The following CUBN variants were observed in gnomAD, a reference collection of about 807,000 sequenced individuals.
The protein encoded by CUBN is cubilin, also known as 460 kDa receptor.
CUBN carries 282 observed loss-of-function variants against 405.3 expected under a neutral mutation model. The observed-to-expected ratio is 0.70, with a 90% CI of 0.63 to 0.77. CUBN has a LOEUF of 0.77. Among genes scored for constraint, CUBN ranks in the 30% least tolerant of loss-of-function variants. The probability of loss-of-function intolerance (pLI) is 0.00; values close to 1 mark genes in which losing one functional copy is unlikely to be tolerated. For synonymous variants in CUBN, 1,684 were observed against 1,617.0 expected (o/e 1.04, Z -0.99); for missense variants, 4,514 against 4,475.2 (o/e 1.01, Z -0.25).
intron 22 of CUBN, among the ~76,000 whole-genome samples, chr10:17,051,954 A>G (rs1200080327): frequency 6.6e-6 from 1 of 152,092 alleles, no homozygotes; most frequent in Non-Finnish European, 1.5e-5. Context: ...TTCAGTCAAT[A>G]CTAAACAGGA....
At chr10:16,912,234 A>C (rs1841753125) in intron 48 of CUBN, among the ~76,000 whole-genome samples, 1 of 152,250 alleles carries the variant, frequency 6.6e-6, no homozygotes, top group Admixed American at 6.5e-5. Context: ...ATACAAAGAT[A>C]TTTCATATTT....
chr10:17,046,123 T>G (rs748585971), intron 23 of CUBN, 29 bp from the exon 24 acceptor site: 2 of 1,597,578 alleles, frequency 1.3e-6, no homozygotes, highest in Non-Finnish European at 1.7e-6. Flanking sequence ...TAAAATTTAT[T>G]GGGTTACTGA....
At chr10:16,991,698 C>T (rs1440364041) in intron 28 of CUBN, among the ~76,000 whole-genome samples, 2 of 145,320 alleles carry the variant, frequency 1.4e-5, no homozygotes, top group African/African-American at 2.5e-5. Context: ...TCTTATTCTT[C>T]ATCAAGGCTT....
At chr10:17,124,868 G>C (rs1310151180) in intron 4 of CUBN, among the ~76,000 whole-genome samples, 2 of 152,012 alleles carry the variant, frequency 1.3e-5, no homozygotes, top group African/African-American at 4.8e-5. Context: ...GCCTCGGTCT[G>C]TCACCCAGGC....
intron 46 of CUBN, among the ~76,000 whole-genome samples, 169 bp downstream of exon 46, chr10:16,915,652 G>A (rs1841862506): frequency 6.6e-6 from 1 of 152,188 alleles, no homozygotes; most frequent in African/African-American, 2.4e-5. Flanking sequence ...CATTGTTAAT[G>A]GTAGAATTGA....
At chr10:16,962,335 C>T (rs1477663499) in intron 31 of CUBN, among the ~76,000 whole-genome samples, 1 of 151,508 alleles carries the variant, frequency 6.6e-6, no homozygotes, top group Admixed American at 6.6e-5. Flanking sequence ...AATTAGAAAG[C>T]TATGGAGGCA....
rs748803112 is a variant in CUBN at position 16,984,100 on chromosome 10, C to T, written c.4525+5G>A. 1 of 1,614,182 alleles carries T rather than the reference C, an allele frequency of 6.2e-7. No individual in the cohort carries two copies. Among genetic ancestry groups the T allele is most frequent in the Non-Finnish European group, 8.5e-7 (1 of 1,180,026 alleles). On this transcript the variant is annotated splice_donor_5th_base_variant and intron_variant, in intron 30 of 66. Transcript: ENST00000377833. The stretch of plus-strand genomic sequence containing the variant: ...TACTTTAGGAAACCTCCTTTTCTCA[C>T]TCACCTCCAGTGACTGCTTGCCATG...
At chr10:16,850,440 A>G (rs1033056136) in intron 60 of CUBN, among the ~76,000 whole-genome samples, 2 of 152,160 alleles carry the variant, frequency 1.3e-5, no homozygotes, top group African/African-American at 4.8e-5. Flanking sequence ...TTAAAAATTG[A>G]ACAGAAGTTT....
chr10:17,129,222 A>C lies in CUBN; in HGVS notation c.151T>G (p.Leu51Val). Reference sequence around the variant, plus strand: ...TGAGCAGACCCCGTAAGAAACACCAAATTTCCTCTCTCTGTAGCCATTCGA... The same window carrying C: ...TGAGCAGACCCCGTAAGAAACACCACATTTCCTCTCTCTGTAGCCATTCGA... ...QPRMATERGN[L>V]VFLTGSAQNI... Residue 51 changes from leucine (L) to valine (V), a missense_variant, in exon 2 of 67, where the codon TTG becomes GTG. Transcript: ENST00000377833. 1 of 1,613,670 alleles carries C rather than the reference A, an allele frequency of 6.2e-7. No individual in the cohort carries two copies. Among genetic ancestry groups the C allele is most frequent in the Non-Finnish European group, 8.5e-7 (1 of 1,179,570 alleles).
At chr10:16,829,636 T>C (rs1398821614) in intron 65 of CUBN, among the ~76,000 whole-genome samples, 1 of 152,198 alleles carries the variant, frequency 6.6e-6, no homozygotes, top group African/African-American at 2.4e-5. Context: ...AATCTGTATA[T>C]GAAGGCTGTC....
intron 58 of CUBN, among the ~76,000 whole-genome samples, chr10:16,870,554 G>A (rs536143154): frequency 1.3e-5 from 2 of 152,302 alleles, no homozygotes; most frequent in East Asian, 3.9e-4. Context: ...GTAAGCAGAA[G>A]GGATACATAT....
At chr10:16,879,894 A>G (rs567641099) in intron 56 of CUBN, among the ~76,000 whole-genome samples, 5 of 152,160 alleles carry the variant, frequency 3.3e-5, no homozygotes, top group Admixed American at 6.5e-5. Context: ...GTGCAACCCA[A>G]CTCTAGCTTA....
chr10:16,998,777 A>G (rs944419687), intron 28 of CUBN, among the ~76,000 whole-genome samples: 1 of 152,242 alleles, frequency 6.6e-6, no homozygotes, highest in Non-Finnish European at 1.5e-5. Flanking sequence ...TAAGATTTTC[A>G]TGAAAACAGA....
At chr10:16,978,021 G>A (rs887827346) in intron 31 of CUBN, among the ~76,000 whole-genome samples, 5 of 152,224 alleles carry the variant, frequency 3.3e-5, no homozygotes, top group African/African-American at 1.2e-4. Flanking sequence ...GATGTCCAGT[G>A]CCTAGATGCA....
intron 15 of CUBN, among the ~76,000 whole-genome samples, chr10:17,087,562 G>A (rs763001386): frequency 5.3e-5 from 7 of 131,472 alleles, no homozygotes; most frequent in Admixed American, 2.7e-4. Context: ...TGCAACCTCC[G>A]CCTCCCGGGT....
chr10:16,901,574 C>T (rs1841372812), intron 51 of CUBN, 115 bp from the exon 52 acceptor site: 3 of 1,386,160 alleles, frequency 2.2e-6, no homozygotes, highest in Non-Finnish European at 2.0e-6. Context: ...CATAGTAAGG[C>T]CAGGCATGGT....
intron 17 of CUBN, among the ~76,000 whole-genome samples, chr10:17,081,703 T>C (rs745875549): frequency 2.0e-4 from 31 of 152,176 alleles, no homozygotes; most frequent in Non-Finnish European, 8.8e-5. Context: ...TAGAGATGAT[T>C]TAAAGACAAG....
At chr10:17,103,693 A>G (rs1431464159) in intron 12 of CUBN, among the ~76,000 whole-genome samples, 4 of 152,266 alleles carry the variant, frequency 2.6e-5, no homozygotes. Flanking sequence ...CAACCTCTCA[A>G]TAAATGTGTT....
chr10:17,004,873 C>A (rs1280767427), intron 28 of CUBN, among the ~76,000 whole-genome samples: 2 of 151,928 alleles, frequency 1.3e-5, no homozygotes, highest in Admixed American at 6.6e-5. Flanking sequence ...TGGGCCAGGC[C>A]AGTCTCAAAC....
Sources: gnomAD v4.1 joint callset for allele counts (sites outside exome capture counted in the v4.1 genomes callset) on GRCh38, gnomAD v4.1.1 for gene constraint, MANE v1.5 for transcripts, NCBI Gene and HGNC (gene_info 2026-07-23, HGNC 2026-07-21) for gene names.